The following SLC39A10 variants were observed in gnomAD, a reference collection of about 807,000 sequenced individuals.
SLC39A10 encodes the protein zinc transporter ZIP10.
In SLC39A10, 13 loss-of-function variants were observed where a neutral mutation model predicts 65.1. The ratio of observed to expected loss-of-function variants is 0.20; its 90% confidence interval spans 0.13 to 0.32. The LOEUF (loss-of-function observed/expected upper bound fraction) is 0.32. Ranked by LOEUF, SLC39A10 falls within the 10% of genes least tolerant of loss-of-function variation. The pLI, the probability that SLC39A10 is intolerant of heterozygous loss-of-function variation, is 1.00. For synonymous variants in SLC39A10, 321 were observed against 342.2 expected, an observed-to-expected ratio of 0.94 and a Z score of 0.68; for missense variants, 831 against 1,018.4, an observed-to-expected ratio of 0.82 and a Z score of 2.50.
Position 195,737,396 on chromosome 2 carries a change from A to G in SLC39A10, c.*2355A>G, listed in dbSNP as rs1177768876. On this transcript the variant is annotated 3_prime_UTR_variant, in exon 10 of 10. Transcript: ENST00000359634. ...TCAATCAATCAATCACATTGCATTCAATCAATCAGCTGTGATTGATTGATT... is the reference window on the plus strand; with the variant it reads ...TCAATCAATCAATCACATTGCATTCGATCAATCAGCTGTGATTGATTGATT... The G allele has an allele frequency of 7.6e-6, 1 of 131,138 alleles. No homozygotes were observed. The highest frequency in any genetic ancestry group is 1.8e-5 in the Non-Finnish European group (1 of 54,186). The allele number at this position is 131,138 out of a possible 1,614,324, so 8.1% of individuals were successfully genotyped here.
chr2:195,704,790 G>T (rs1054898852), intron 3 of SLC39A10, among the ~76,000 whole-genome samples: 38 of 147,978 alleles, frequency 2.6e-4, no homozygotes, highest in South Asian at 1.1e-3. Context: ...GTGTTTTTTT[G>T]TTGTTGTTGT....
rs758868720 is a variant in SLC39A10, at chr2:195,683,899, G to A, written c.1209G>A (p.Gly403=). The A allele has an allele frequency of 4.3e-6, 7 of 1,610,074 alleles. No homozygotes were observed. Among genetic ancestry groups the A allele is most frequent in the Non-Finnish European group, 5.9e-6 (7 of 1,178,116 alleles). ...TTCCTGAAGATGAGGCAAATATAGG[G>A]GCATCAGGTAAGAGAGATTTTAAGT... ...NLVPEDEANI[G]ASAWICGIIS... The change falls in exon 3 of 10, where the codon GGG becomes GGA. Residue 403 remains glycine (G), a synonymous_variant. Coordinates refer to ENST00000359634, the MANE Select transcript of SLC39A10 (RefSeq NM_020342.3).
At chr2:195,644,592 G>A (rs1026605971) in intron 2 of SLC39A10, among the ~76,000 whole-genome samples, 3 of 151,376 alleles carry the variant, frequency 2.0e-5, no homozygotes, top group Non-Finnish European at 2.9e-5. Flanking sequence ...CGCCCGCTTC[G>A]GCCTCCCAAA....
chr2:195,725,277 A>G (rs576841701), intron 8 of SLC39A10, among the ~76,000 whole-genome samples: 12 of 152,186 alleles, frequency 7.9e-5, no homozygotes, highest in Non-Finnish European at 1.3e-4. Context: ...GTCATAAAAT[A>G]CACTTCTTAC....
intron 9 of SLC39A10, among the ~76,000 whole-genome samples, chr2:195,731,514 T>G (rs190051665): frequency 9.9e-4 from 151 of 152,348 alleles, no homozygotes; most frequent in African/African-American, 3.6e-3. Flanking sequence ...CAGGCATTTT[T>G]GTCTTATTTT....
intron 1 of SLC39A10, among the ~76,000 whole-genome samples, chr2:195,665,411 C>A (rs1179915836): frequency 6.6e-6 from 1 of 152,208 alleles, no homozygotes; most frequent in African/African-American, 2.4e-5. Flanking sequence ...TTTGAGACTT[C>A]AGTGAGCTAT....
At chr2:195,644,887 CTACTTTA>C (rs1559013387) in intron 2 of SLC39A10, among the ~76,000 whole-genome samples, 22 of 91,746 alleles carry the variant, frequency 2.4e-4, no homozygotes, top group East Asian at 1.2e-3. Flanking sequence ...ACCAATCTAA[CTACTTTA>C]TTTATTTATT....
intron 9 of SLC39A10, among the ~76,000 whole-genome samples, chr2:195,731,795 T>C (rs1023376102): frequency 1.3e-5 from 2 of 152,162 alleles, no homozygotes; most frequent in South Asian, 4.1e-4. Flanking sequence ...ATGGAGTTTA[T>C]TAGAAGCAAG....
chr2:195,727,577 A>G (rs1692290497), intron 8 of SLC39A10, among the ~76,000 whole-genome samples: 1 of 152,164 alleles, frequency 6.6e-6, no homozygotes, highest in Non-Finnish European at 1.5e-5. Flanking sequence ...TACTTAAAGC[A>G]CCTGTTACCT....
At chr2:195,657,809 T>G (rs895537797) in intron 1 of SLC39A10, among the ~76,000 whole-genome samples, 1 of 151,916 alleles carries the variant, frequency 6.6e-6, no homozygotes, top group Non-Finnish European at 1.5e-5. Flanking sequence ...CTCTGGTCTG[T>G]AATGGGGCGA....
At chr2:195,617,724 C>CTTTTCTTTTA (rs1372375206) in intron 2 of SLC39A10, among the ~76,000 whole-genome samples, 53 of 145,196 alleles carry the variant, frequency 3.7e-4, no homozygotes, top group Admixed American at 9.8e-4. Flanking sequence ...CTTTTCTTTT[C>CTTTTCTTTTA]TTTTATTTTA....
chr2:195,669,948 C>G (rs1376949569), intron 1 of SLC39A10, among the ~76,000 whole-genome samples: 2 of 152,188 alleles, frequency 1.3e-5, no homozygotes, highest in Non-Finnish European at 2.9e-5. Context: ...ATAACAAGTT[C>G]AGGAGATCAA....
intron 9 of SLC39A10, among the ~76,000 whole-genome samples, chr2:195,733,241 T>C (rs1393959506): frequency 6.6e-6 from 1 of 152,238 alleles, no homozygotes; most frequent in African/African-American, 2.4e-5. Context: ...CAAAACGTAG[T>C]GTCCCAGAGG....
chr2:195,646,803 C>A (rs1394282382), intron 2 of SLC39A10, among the ~76,000 whole-genome samples: 1 of 152,126 alleles, frequency 6.6e-6, no homozygotes, highest in Non-Finnish European at 1.5e-5. Context: ...GTGAACCGTG[C>A]CTGTGAGGGA....
At position 195,728,496 on chromosome 2, in the gene SLC39A10, TAGG is replaced by T. The variant is rs1161222133; in HGVS notation, c.2337+151_2337+153del. The T allele has an allele frequency of 5.9e-5, 44 of 740,502 alleles. No individual in the cohort carries two copies. Among genetic ancestry groups the T allele is most frequent in the Non-Finnish European group, 8.1e-5 (39 of 483,808 alleles). 45.9% of individuals were successfully genotyped at this position (740,502 alleles called of 1,614,324 possible). A position where few individuals can be genotyped will look rare whatever the true frequency, so the allele number is the denominator to read the frequency against. ...AATCTCTTAAGGAAGGACATTTAAG[TAGG>T]AGGTTTCCTTTTATGGAAACCAGTT... On this transcript the variant is annotated intron_variant, in intron 9 of 9. Transcript: ENST00000359634. This position sits in a 1 kb window ranked among gnomAD's most constrained non-coding sequence, Gnocchi z 4.4.
chr2:195,671,569 G>A (rs1007258555), intron 1 of SLC39A10: 1 of 152,150 alleles, frequency 6.6e-6, no homozygotes, highest in Non-Finnish European at 1.5e-5. Flanking sequence ...TTTTGGCTTG[G>A]GCAAAGCTGT....
At chr2:195,729,961 A>ATTTTTTTTTTTTTTTTTTTTTTTTTT (rs58936616) in intron 9 of SLC39A10, among the ~76,000 whole-genome samples, 1 of 92,136 alleles carries the variant, frequency 1.1e-5, no homozygotes. Flanking sequence ...ACCATGCCTA[A>ATTTTTTTTTTTTTTTTTTTTTTTTTT]TTTTTTTTTT....
At chr2:195,634,751 T>C (rs1272611444) in intron 2 of SLC39A10, among the ~76,000 whole-genome samples, 2 of 152,174 alleles carry the variant, frequency 1.3e-5, no homozygotes, top group Non-Finnish European at 2.9e-5. Context: ...ATTCAGTGGT[T>C]CAACATTGAC....
intron 8 of SLC39A10, among the ~76,000 whole-genome samples, chr2:195,722,614 C>T (rs953516293): frequency 3.4e-4 from 51 of 152,154 alleles, no homozygotes; most frequent in Admixed American, 2.0e-4. Context: ...TCAGAACTCC[C>T]AAGCACAGGG....
Sources: allele counts gnomAD v4.1 joint callset (sites outside exome capture counted in the v4.1 genomes callset), GRCh38; gene constraint gnomAD v4.1.1; non-coding constraint Gnocchi (gnomAD v3.1); transcripts MANE v1.5; gene names NCBI Gene and HGNC (gene_info 2026-07-23, HGNC 2026-07-21).